Variants in CENPI observed in about 807,000 individuals in gnomAD.
The protein encoded by CENPI is FSH primary response 1.
CENPI carries 4 observed loss-of-function variants against 60.4 expected under a neutral mutation model. That is an observed-to-expected ratio of 0.07 (90% CI 0.03 to 0.15). The LOEUF is 0.15. CENPI is among the 10% of genes least tolerant of loss of function. The probability of loss-of-function intolerance (pLI) is 1.00; values close to 1 mark genes in which losing one functional copy is unlikely to be tolerated. For synonymous variants in CENPI, 157 were observed against 189.4 expected, an observed-to-expected ratio of 0.83 and a Z score of 1.40; for missense variants, 444 against 534.5, an observed-to-expected ratio of 0.83 and a Z score of 1.67.
chrX:101,157,202 A>G (rs2090060821), intron 20 of CENPI, among the ~76,000 whole-genome samples: 1 of 111,968 alleles, frequency 8.9e-6, no homozygotes, highest in Non-Finnish European at 1.9e-5. Context: ...GGAATTAACA[A>G]TTATTGAAGA....
chrX:101,132,295 A>G lies in CENPI; in HGVS notation c.1393A>G (p.Ser465Gly), dbSNP rs771086929. The change falls in exon 14 of 22, where the codon AGT becomes GGT. Residue 465 changes from serine to glycine, a missense_variant. Transcript: ENST00000682095. Reference sequence around the variant, plus strand: ...TCAGCTTGTGAGCTGGATTCCTTTTAGTAGCTTCTCTGGTATGTATCATGA... The same window carrying G: ...TCAGCTTGTGAGCTGGATTCCTTTTGGTAGCTTCTCTGGTATGTATCATGA... ...FLQLVSWIPF[S>G]SFSEVKPLLF... 1.7e-6 allele frequency: 2 copies of G among 1,200,348 alleles called. No individual in the cohort carries two copies. Among genetic ancestry groups the G allele is most frequent in the African/African-American group, 3.5e-5 (2 of 57,018 alleles).
chrX:101,100,830 G>A, intron 2 of CENPI: 2 of 368,198 alleles, frequency 5.4e-6, no homozygotes, highest in East Asian at 8.3e-5. Flanking sequence ...AGCTAGTTCA[G>A]CTGATGAATG....
chrX:101,166,405 C>T (rs1010884559), downstream of CENPI, among the ~76,000 whole-genome samples: 5 of 112,870 alleles, frequency 4.4e-5, no homozygotes, highest in Admixed American at 9.3e-5. Flanking sequence ...CCACCCGTCT[C>T]GGCCTCCCGA....
chrX:101,149,246 G>A (rs147167886), intron 20 of CENPI, among the ~76,000 whole-genome samples: 6,312 of 111,572 alleles, frequency 0.057, 218 homozygotes, highest in Middle Eastern at 0.091. Context: ...TACAGGCCAC[G>A]TGGTCTGTGT....
At chrX:101,103,175 T>C (rs1218525666) in intron 4 of CENPI, among the ~76,000 whole-genome samples, 1 of 106,460 alleles carries the variant, frequency 9.4e-6, no homozygotes, top group East Asian at 3.0e-4. Flanking sequence ...TTTGTATTTT[T>C]AGTAGAGACA....
chrX:101,172,284 C>T, the CENPI span, among the ~76,000 whole-genome samples: 37 of 111,599 alleles, frequency 3.3e-4, no homozygotes, highest in Admixed American at 1.8e-3. Flanking sequence ...GTCATATGAG[C>T]CTGCAATTCC....
At chrX:101,128,868 T>A in intron 12 of CENPI, 32 bp downstream of exon 12, 1 of 1,183,499 alleles carries the variant, frequency 8.4e-7, no homozygotes, top group Non-Finnish European at 1.1e-6. Flanking sequence ...ACCAAGATAG[T>A]TAACAAATGG....
At chrX:101,148,615 T>C (rs1237244059) in intron 20 of CENPI, among the ~76,000 whole-genome samples, 1 of 112,115 alleles carries the variant, frequency 8.9e-6, no homozygotes, top group Admixed American at 9.6e-5. Context: ...TGGATTGATA[T>C]CAATATGCAG....
intron 8 of CENPI, among the ~76,000 whole-genome samples, chrX:101,121,111 G>A (rs1049359189): frequency 9.1e-6 from 1 of 109,352 alleles, no homozygotes; most frequent in Non-Finnish European, 1.9e-5. Context: ...TCCTGGCCTC[G>A]GTGATCCACC....
intron 15 of CENPI, among the ~76,000 whole-genome samples, chrX:101,136,116 T>C (rs986091293): frequency 8.9e-6 from 1 of 112,599 alleles, no homozygotes. Flanking sequence ...GGGCTTATAT[T>C]CTGTTCCACA....
chrX:101,159,652 G>A (rs1357336455), intron 20 of CENPI, among the ~76,000 whole-genome samples: 1 of 110,450 alleles, frequency 9.1e-6, no homozygotes, highest in African/African-American at 3.3e-5. Context: ...AGTAGAGACG[G>A]GGTTTCACCA....
At position 101,163,702 on chromosome X, in the gene CENPI, AAGTT is replaced by A. The variant is rs1189394918; in HGVS notation, c.*737_*740del. On this transcript the variant is annotated 3_prime_UTR_variant, in exon 22 of 22. Transcript: ENST00000682095. Reference sequence around the variant, plus strand: ...CAGAAGGAATTCTGAAGTTTTAAAAAAGTTAATAATAGCTAGAATATCTTGCTGA... The same window carrying A: ...CAGAAGGAATTCTGAAGTTTTAAAAAAATAATAGCTAGAATATCTTGCTGA... 1.8e-5 allele frequency: 2 copies of A among 112,590 alleles called. No homozygotes were observed. Among genetic ancestry groups the A allele is most frequent in the African/African-American group, 6.5e-5 (2 of 30,998 alleles). 9.3% of individuals were successfully genotyped at this position (112,590 alleles called of 1,213,427 possible). A position where few individuals can be genotyped will look rare whatever the true frequency, so the allele number is the denominator to read the frequency against.
At chrX:101,157,069 G>T (rs1695011975) in intron 20 of CENPI, among the ~76,000 whole-genome samples, 1 of 111,584 alleles carries the variant, frequency 9.0e-6, no homozygotes, top group Admixed American at 9.6e-5. Flanking sequence ...GTTCTTTAAG[G>T]AATCTCCACA....
In CENPI at chrX:101,133,569, G is replaced by A. The variant is rs1456271176; in HGVS notation, c.1470+1113G>A. On this transcript the variant is annotated intron_variant, in intron 15 of 21. Transcript: ENST00000682095. ...TGGGGAGAGGAAGGAAGGAAGGAAG[G>A]GAACAGACAGCAAGCTAAAAACAGA... 7.3e-5 allele frequency among the ~76,000 whole-genome samples: 8 copies of A among 109,285 alleles called. No homozygotes were observed. The Admixed American group carries it at 8.0e-4, about 11-fold the overall frequency. The allele number at this position is 109,285 out of a possible 115,157, so 94.9% of individuals were successfully genotyped here. A position where few individuals can be genotyped will look rare whatever the true frequency, so the allele number is the denominator to read the frequency against.
intron 15 of CENPI, among the ~76,000 whole-genome samples, chrX:101,138,943 C>CTT (rs757166491): frequency 2.4e-4 from 22 of 90,700 alleles, no homozygotes; most frequent in African/African-American, 4.8e-4. Context: ...TTGTTTTCTA[C>CTT]TTTTTTTTTT....
the CENPI span, among the ~76,000 whole-genome samples, chrX:101,177,583 G>A: frequency 8.9e-6 from 1 of 112,204 alleles, no homozygotes; most frequent in Non-Finnish European, 1.9e-5. Flanking sequence ...ATTGAGTGGG[G>A]ACAGCAGCAA....
the CENPI span, among the ~76,000 whole-genome samples, chrX:101,175,919 T>C: frequency 6.9e-4 from 77 of 111,419 alleles, no homozygotes; most frequent in African/African-American, 2.3e-3. Flanking sequence ...CTAATCACTC[T>C]TTATCCTCCG....
intron 15 of CENPI, among the ~76,000 whole-genome samples, chrX:101,138,790 T>A (rs1019187801): frequency 1.8e-5 from 2 of 108,550 alleles, no homozygotes; most frequent in Admixed American, 9.9e-5. Flanking sequence ...CATGCTTGGC[T>A]AATTTTTATA....
intron 15 of CENPI, among the ~76,000 whole-genome samples, chrX:101,136,189 T>C (rs936931132): frequency 8.9e-6 from 1 of 112,291 alleles, no homozygotes; most frequent in Non-Finnish European, 1.9e-5. Flanking sequence ...GGGATAGATA[T>C]GGAAATGTAT....
Sources: gnomAD v4.1 joint callset for allele counts (sites outside exome capture counted in the v4.1 genomes callset) on GRCh38, gnomAD v4.1.1 for gene constraint, MANE v1.5 for transcripts, NCBI Gene and HGNC (gene_info 2026-07-23, HGNC 2026-07-21) for gene names.